SETDB2: variants seen among roughly 807,000 people sequenced by gnomAD.
SETDB2 encodes the protein histone-lysine N-methyltransferase SETDB2.
A neutral mutation model predicts 82.5 loss-of-function variants in SETDB2; 56 were observed. The observed-to-expected ratio is 0.68, with a 90% CI of 0.55 to 0.85. SETDB2 has a LOEUF of 0.85. Among genes scored for constraint, SETDB2 ranks in the 40% least tolerant of loss-of-function variants. The pLI is 0.00. For synonymous variants in SETDB2, 272 were observed against 284.9 expected (o/e 0.95, Z 0.46); for missense variants, 677 against 816.4 (o/e 0.83, Z 2.08).
intron 5 of SETDB2, among the ~76,000 whole-genome samples, chr13:49,473,134 A>G (rs1378035268): frequency 6.6e-6 from 1 of 152,198 alleles, no homozygotes; most frequent in Non-Finnish European, 1.5e-5. Context: ...GATAACCCAG[A>G]TACTTTCTCT....
chr13:49,471,936 T>TATATATATATATATATATATATATA (rs71664753), intron 5 of SETDB2, among the ~76,000 whole-genome samples: 4 of 95,850 alleles, frequency 4.2e-5, no homozygotes, highest in African/African-American at 2.2e-4. Flanking sequence ...ATATATATAT[T>TATATATATATATATATATATATATA]TTTTTTTTTT....
chr13:49,470,966 C>CTTTCTTTTTT lies in SETDB2; in HGVS notation c.305+3009_305+3010insCTTTTTTTTT, dbSNP rs10695231. Among the ~76,000 whole-genome samples the CTTTCTTTTTT allele has an allele frequency of 7.6e-3, 612 of 80,500 alleles. 61 individuals carry two copies. Among genetic ancestry groups the CTTTCTTTTTT allele is most frequent in the African/African-American group, 0.03 (508 of 16,972 alleles). The allele number at this position is 80,500 out of a possible 152,430, so 52.8% of individuals were successfully genotyped here. ...GTTTTTTTGTTTTCTTTCTTTCTTTCTTTTTTTTTTTTTTTTTTGAGACAG... is the reference window on the plus strand; with the variant it reads ...GTTTTTTTGTTTTCTTTCTTTCTTTCTTTCTTTTTTTTTTTTTTTTTTTTTTTTGAGACAG... On this transcript the variant is annotated intron_variant, in intron 5 of 13. Transcript: ENST00000611815.
chr13:49,473,551 CAAAAAAAA>C (rs769808278), intron 5 of SETDB2, among the ~76,000 whole-genome samples: 2 of 61,576 alleles, frequency 3.2e-5, no homozygotes, highest in African/African-American at 1.2e-4. Context: ...ACCCTGTCTC[CAAAAAAAA>C]AAAAAAAAAA....
chr13:49,460,500 T>A (rs1322287002), intron 3 of SETDB2, among the ~76,000 whole-genome samples: 1 of 152,168 alleles, frequency 6.6e-6, no homozygotes, highest in African/African-American at 2.4e-5. Flanking sequence ...TTATTCCACA[T>A]TCAGAGACAA....
At chr13:49,491,107 G>A (rs1372905304) in intron 13 of SETDB2, among the ~76,000 whole-genome samples, 197 bp downstream of exon 13, 1 of 152,128 alleles carries the variant, frequency 6.6e-6, no homozygotes, top group African/African-American at 2.4e-5. Context: ...AATAGAAAAA[G>A]TTCACCAGGT....
Position 49,460,214 on chromosome 13 carries a change from G to A in SETDB2, c.124G>A (p.Gly42Arg), listed in dbSNP as rs758868733. Residue 42 changes from glycine to arginine, a missense_variant, in exon 3 of 14, where the codon GGG (glycine) becomes AGG (arginine). Gly to Arg is a moderately radical substitution (Grantham distance 125). Coordinates refer to ENST00000611815, the MANE Select transcript of SETDB2 (RefSeq NM_001160308.3). ...LQSLKQKIKD[G>R]SATNKEYIQA... ...GTCACTGAAACAAAAGATCAAAGAT[G>A]GGTCTGCCACCAATAAAGGTATGAA... 2 of 1,612,504 alleles carry A rather than the reference G, an allele frequency of 1.2e-6. No individual in the cohort carries two copies. Among genetic ancestry groups the A allele is most frequent in the South Asian group, 2.2e-5 (2 of 90,796 alleles).
intron 4 of SETDB2, among the ~76,000 whole-genome samples, chr13:49,462,440 A>G (rs1162994799): frequency 1.3e-5 from 2 of 152,240 alleles, no homozygotes; most frequent in Non-Finnish European, 2.9e-5. Context: ...GACAAATATT[A>G]TAACAGAAGG....
In SETDB2 at chr13:49,483,451, T is replaced by A; in HGVS notation, c.1383-13T>A. 8.7e-7 allele frequency: 1 copy of A among 1,150,752 alleles called. No individual in the cohort carries two copies. 71.3% of individuals were successfully genotyped at this position (1,150,752 alleles called of 1,614,324 possible). ...TTTTTAGTGATACAGAATAACTTTT[T>A]TTTCCTTTTTAGGGAAACGAAATAT... On this transcript the variant is annotated splice_polypyrimidine_tract_variant and intron_variant, in intron 9 of 13. Coordinates refer to ENST00000611815, the MANE Select transcript of SETDB2 (RefSeq NM_001160308.3).
intron 5 of SETDB2, among the ~76,000 whole-genome samples, chr13:49,470,966 C>CTTTTTTTTT (rs55920370): frequency 1.7e-4 from 14 of 80,466 alleles, no homozygotes; most frequent in East Asian, 4.1e-4. Flanking sequence ...TTCTTTCTTT[C>CTTTTTTTTT]TTTTTTTTTT....
chr13:49,478,454 C>T (rs1044841518), intron 6 of SETDB2, among the ~76,000 whole-genome samples: 1 of 152,106 alleles, frequency 6.6e-6, no homozygotes, highest in South Asian at 2.1e-4. Context: ...CAATGTAGAG[C>T]AGCACACAGG....
At chr13:49,445,128 G>C (rs529763507) in intron 1 of SETDB2, among the ~76,000 whole-genome samples, 1 of 152,274 alleles carries the variant, frequency 6.6e-6, no homozygotes, top group Admixed American at 6.5e-5. Context: ...ATGCTGCCTG[G>C]TTCCTTATTT....
intron 6 of SETDB2, among the ~76,000 whole-genome samples, chr13:49,478,448 G>T (rs1436920599): frequency 5.9e-5 from 9 of 152,136 alleles, no homozygotes; most frequent in Non-Finnish European, 8.8e-5. Context: ...AGCACCCAAT[G>T]TAGAGCAGCA....
intron 5 of SETDB2, among the ~76,000 whole-genome samples, chr13:49,473,551 C>CAAA (rs769808278): frequency 0.039 from 2,420 of 61,312 alleles, 29 homozygotes; most frequent in South Asian, 0.064. Context: ...ACCCTGTCTC[C>CAAA]AAAAAAAAAA....
At chr13:49,466,831 T>TTC (rs1555271200) in intron 4 of SETDB2, among the ~76,000 whole-genome samples, 2 of 148,006 alleles carry the variant, frequency 1.4e-5, no homozygotes, top group South Asian at 2.2e-4. Flanking sequence ...TTTTTTTTTT[T>TTC]CTGTCGTAGA....
At chr13:49,464,538 AG>A (rs1469780164) in intron 4 of SETDB2, among the ~76,000 whole-genome samples, 1 of 152,138 alleles carries the variant, frequency 6.6e-6, no homozygotes, top group Non-Finnish European at 1.5e-5. Flanking sequence ...TTCCGTAAAA[AG>A]TAAGTTGGTT....
intron 10 of SETDB2, 45 bp downstream of exon 10, chr13:49,483,608 AATTTTTT>A: frequency 1.0e-5 from 5 of 490,648 alleles, no homozygotes; most frequent in South Asian, 2.6e-5. Flanking sequence ...TTCTTTTTTA[AATTTTTT>A]TTTTTTTTTT....
intron 4 of SETDB2, among the ~76,000 whole-genome samples, chr13:49,463,091 C>T (rs1958028636): frequency 6.6e-6 from 1 of 152,136 alleles, no homozygotes; most frequent in Non-Finnish European, 1.5e-5. Flanking sequence ...CTGCAACCTC[C>T]CCCTCCCAGG....
At chr13:49,448,939 C>A (rs1215080101) in intron 1 of SETDB2, among the ~76,000 whole-genome samples, 3 of 152,150 alleles carry the variant, frequency 2.0e-5, no homozygotes, top group African/African-American at 7.2e-5. Flanking sequence ...AATATTAAAT[C>A]TGGTGAATTG....
intron 2 of SETDB2, 85 bp downstream of exon 2, chr13:49,451,994 G>T (rs1358245066): frequency 4.0e-6 from 4 of 1,003,190 alleles, no homozygotes; most frequent in Admixed American, 5.4e-5. Flanking sequence ...AATTGTCAAG[G>T]TTTTGCATTG....
Sources: allele counts gnomAD v4.1 joint callset (sites outside exome capture counted in the v4.1 genomes callset), GRCh38; gene constraint gnomAD v4.1.1; transcripts MANE v1.5; gene names NCBI Gene and HGNC (gene_info 2026-07-23, HGNC 2026-07-21).